The following RUNX2 variants were observed in gnomAD, a reference collection of about 807,000 sequenced individuals.
The protein encoded by RUNX2 is runt-related transcription factor 2.
RUNX2 carries 10 observed loss-of-function variants against 51.7 expected under a neutral mutation model. The observed-to-expected ratio is 0.19, with a 90% CI of 0.12 to 0.33. The LOEUF (loss-of-function observed/expected upper bound fraction) is 0.33, where lower values mean the gene tolerates loss of function less well. Ranked by LOEUF, RUNX2 falls within the 10% of genes least tolerant of loss-of-function variation. The pLI is 1.00. For synonymous variants in RUNX2, 276 were observed against 273.6 expected (o/e 1.01, Z -0.09); for missense variants, 562 against 691.3 (o/e 0.81, Z 2.10).
At chr6:45,513,505 C>T (rs756121784) in intron 7 of RUNX2, 1 of 152,240 alleles carries the variant, frequency 6.6e-6, no homozygotes, top group Non-Finnish European at 1.5e-5. Context: ...GAAGCTCCAC[C>T]AGCAGGCTTG....
At chr6:45,499,116 T>G (rs1800729567) in intron 6 of RUNX2, among the ~76,000 whole-genome samples, 1 of 152,236 alleles carries the variant, frequency 6.6e-6, no homozygotes. Context: ...TCCTGCTCAC[T>G]TGTAGGCAAC....
At chr6:45,371,742 T>C (rs1796097369) in intron 2 of RUNX2, 1 of 706,122 alleles carries the variant, frequency 1.4e-6, no homozygotes, top group Non-Finnish European at 1.7e-6. Flanking sequence ...AATTCTTTGT[T>C]TAAAAGAAAA....
chr6:45,526,894 G>A (rs1313831875), intron 7 of RUNX2, among the ~76,000 whole-genome samples: 4 of 152,182 alleles, frequency 2.6e-5, no homozygotes, highest in Admixed American at 6.5e-5. Context: ...TTGTTATGGG[G>A]ACTAAAGGAT....
At chr6:45,414,664 G>T (rs1303972347) in intron 2 of RUNX2, among the ~76,000 whole-genome samples, 7 of 150,164 alleles carry the variant, frequency 4.7e-5, no homozygotes, top group South Asian at 2.1e-4. Context: ...GGCAGCAATC[G>T]TCTAGCCCTG....
chr6:45,422,098 C>A (rs1582093122), intron 2 of RUNX2: 1 of 148,770 alleles, frequency 6.7e-6, no homozygotes, highest in African/African-American at 2.4e-5. Context: ...CAGCGCGCGG[C>A]GCGGCGCGGC....
chr6:45,486,906 AT>A (rs1053301700), intron 5 of RUNX2, among the ~76,000 whole-genome samples: 2 of 152,092 alleles, frequency 1.3e-5, no homozygotes, highest in Non-Finnish European at 2.9e-5. Flanking sequence ...CCAGTTTCAG[AT>A]GTGTGATTTT....
chr6:45,366,497 G>A (rs1001220755), intron 2 of RUNX2, among the ~76,000 whole-genome samples: 3 of 152,116 alleles, frequency 2.0e-5, no homozygotes, highest in Non-Finnish European at 4.4e-5. Context: ...GTAATAAGCA[G>A]ACCTTAAGAA....
chr6:45,496,974 A>C (rs1342037876), intron 6 of RUNX2, among the ~76,000 whole-genome samples: 4 of 152,082 alleles, frequency 2.6e-5, no homozygotes, highest in Non-Finnish European at 5.9e-5. Context: ...TGACCTGGGC[A>C]ATTGGAGGAT....
intron 2 of RUNX2, among the ~76,000 whole-genome samples, chr6:45,407,660 AT>A (rs57431559): frequency 5.0e-4 from 73 of 147,218 alleles, no homozygotes; most frequent in South Asian, 1.3e-3. Context: ...AGCCCAGCTA[AT>A]TTTTTTTTTT....
intron 2 of RUNX2, among the ~76,000 whole-genome samples, chr6:45,343,453 A>C (rs1004403742): frequency 1.3e-5 from 2 of 152,134 alleles, no homozygotes; most frequent in Non-Finnish European, 2.9e-5. Flanking sequence ...GAGATCATCT[A>C]ATCTATAATA....
At chr6:45,400,503 A>C (rs772951564) in intron 2 of RUNX2, among the ~76,000 whole-genome samples, 25 of 152,200 alleles carry the variant, frequency 1.6e-4, no homozygotes, top group Non-Finnish European at 1.5e-5. Flanking sequence ...TAAATGATCT[A>C]GATAAATGGG....
chr6:45,399,262 C>T (rs1400508504), intron 2 of RUNX2, among the ~76,000 whole-genome samples: 1 of 151,496 alleles, frequency 6.6e-6, no homozygotes, highest in Admixed American at 6.6e-5. Flanking sequence ...AATTGCCCAT[C>T]TCCCAAAGTG....
intron 7 of RUNX2, among the ~76,000 whole-genome samples, chr6:45,540,764 C>G (rs1043322636): frequency 1.3e-5 from 2 of 152,082 alleles, no homozygotes; most frequent in African/African-American, 4.8e-5. Flanking sequence ...GCCCTCTTTC[C>G]CCTTCATCTA....
intron 5 of RUNX2, among the ~76,000 whole-genome samples, chr6:45,478,607 C>G (rs1409606910): frequency 6.6e-6 from 1 of 151,808 alleles, no homozygotes; most frequent in African/African-American, 2.4e-5. Flanking sequence ...GGTCTTTTAA[C>G]TATTCCATTA....
intron 5 of RUNX2, among the ~76,000 whole-genome samples, chr6:45,464,287 C>G (rs1326300158): frequency 1.3e-5 from 2 of 152,106 alleles, no homozygotes; most frequent in African/African-American, 4.8e-5. Flanking sequence ...GTCTTTTCAC[C>G]CTTATGTGCA....
intron 5 of RUNX2, among the ~76,000 whole-genome samples, chr6:45,439,648 C>T (rs139696545): frequency 2.0e-5 from 3 of 151,796 alleles, no homozygotes; most frequent in African/African-American, 7.2e-5. Flanking sequence ...TTGGAAAAAC[C>T]ATTTGCGTGT....
At position 45,463,021 on chromosome 6, in the gene RUNX2, C is replaced by T. The variant is rs941372410; in HGVS notation, c.685+24970C>T. Among the ~76,000 whole-genome samples the T allele has an allele frequency of 2.0e-5, 3 of 152,214 alleles. No homozygotes were observed. In the South Asian group the frequency reaches 6.2e-4, roughly 32 times the overall value. On this transcript the variant is annotated intron_variant, in intron 5 of 8. Coordinates refer to ENST00000647337, the MANE Select transcript of RUNX2 (RefSeq NM_001024630.4). ...TATGTGAAGGATGCATACAGTGGCA[C>T]AGGCACCTTTACAGACCAGCAGCCA...
chr6:45,420,291 C>T (rs993615980), intron 2 of RUNX2, among the ~76,000 whole-genome samples: 1 of 152,180 alleles, frequency 6.6e-6, no homozygotes, highest in Non-Finnish European at 1.5e-5. Context: ...CCCCATCTTC[C>T]GTGCCCCTCA....
intron 3 of RUNX2, among the ~76,000 whole-genome samples, chr6:45,431,382 G>A (rs1017589300): frequency 4.6e-5 from 7 of 152,114 alleles, no homozygotes; most frequent in African/African-American, 2.4e-5. Flanking sequence ...ATGTAGTGAG[G>A]AGCCCCAGGG....
Sources: allele counts gnomAD v4.1 joint callset (sites outside exome capture counted in the v4.1 genomes callset), GRCh38; gene constraint gnomAD v4.1.1; transcripts MANE v1.5; gene names NCBI Gene and HGNC (gene_info 2026-07-23, HGNC 2026-07-21).